Variants in UTP14A observed in about 807,000 individuals in gnomAD.
The protein encoded by UTP14A is U3 small nucleolar RNA-associated protein 14 homolog A.
In UTP14A, 5 loss-of-function variants were observed where a neutral mutation model predicts 57.2. The observed-to-expected ratio is 0.09, with a 90% CI of 0.05 to 0.18. UTP14A has a LOEUF of 0.18. UTP14A is among the 10% of genes least tolerant of loss of function. UTP14A has a pLI of 1.00. For synonymous variants in UTP14A, 169 were observed against 210.9 expected (o/e 0.80, Z 1.72); for missense variants, 430 against 562.1 (o/e 0.76, Z 2.38).
chrX:129,910,860 TAGAA>T, intron 4 of UTP14A, 144 bp from the exon 5 acceptor site: 2 of 746,040 alleles, frequency 2.7e-6, no homozygotes, highest in South Asian at 6.0e-5. Flanking sequence ...TTGGCATGGC[TAGAA>T]ATAGGCAATT....
Position 129,929,503 on chromosome X carries a change from G to A in UTP14A, c.2211G>A (p.Val737=). The change falls in exon 15 of 15, where the codon GTG becomes GTA. Residue 737 remains valine, a synonymous_variant. Transcript: ENST00000394422. ...HIINPIKAED[V]GYRSSSRSDL... is the part of the protein sequence containing the mutation. ...TTAACCCCATAAAAGCAGAAGACGTGGGCTACCGGTCTTCCTCAAGGTCGG... is the reference window on the plus strand; with the variant it reads ...TTAACCCCATAAAAGCAGAAGACGTAGGCTACCGGTCTTCCTCAAGGTCGG... 8.3e-7 allele frequency: 1 copy of A among 1,211,497 alleles called. No individual in the cohort carries two copies. The highest frequency in any genetic ancestry group is 1.1e-6 in the Non-Finnish European group (1 of 895,491).
chrX:129,913,565 T>C (rs1040774403), intron 6 of UTP14A, among the ~76,000 whole-genome samples: 7 of 112,053 alleles, frequency 6.2e-5, no homozygotes, highest in Non-Finnish European at 1.1e-4. Flanking sequence ...TCTATATTCA[T>C]GTTTACCTCC....
In UTP14A at chrX:129,921,383, A is replaced by G. The variant is rs1929905810; in HGVS notation, c.1144A>G (p.Ser382Gly). The G allele has an allele frequency of 8.3e-7, 1 of 1,212,080 alleles. No individual in the cohort carries two copies. The highest frequency in any genetic ancestry group is 2.2e-5 in the Admixed American group (1 of 46,019). ...TCCCTGGATGCTCAGGAGCTGCACCAGTGACACCAAAGAGGCTGCAACCCA... is the reference window on the plus strand; with the variant it reads ...TCCCTGGATGCTCAGGAGCTGCACCGGTGACACCAAAGAGGCTGCAACCCA... ...PNPWMLRSCT[S>G]DTKEAATQED... is the part of the protein sequence containing the mutation. Residue 382 changes from serine to glycine, a missense_variant, in exon 11 of 15, where the codon AGT (serine) becomes GGT (glycine). By Grantham distance (56) the Ser-to-Gly change is moderately conservative. Around this residue, in one of 4 missense-constraint regions of UTP14A, gnomAD observed 83 missense variants for 140.4 expected, o/e 0.59. Coordinates refer to ENST00000394422, the MANE Select transcript of UTP14A (RefSeq NM_006649.4).
intron 11 of UTP14A, among the ~76,000 whole-genome samples, chrX:129,924,371 C>CT (rs745326065): frequency 2.8e-5 from 3 of 105,635 alleles, no homozygotes; most frequent in African/African-American, 1.0e-4. Context: ...ACTGCAACCT[C>CT]TGCCTCCCTG....
chrX:129,921,873 C>T (rs1929930532), intron 11 of UTP14A: 3 of 273,736 alleles, frequency 1.1e-5, no homozygotes, highest in South Asian at 1.0e-4. Flanking sequence ...AAACCATACT[C>T]GAAGTCAGGG....
intron 11 of UTP14A, chrX:129,922,754 A>C (rs1270175126): frequency 2.8e-5 from 3 of 108,279 alleles, no homozygotes; most frequent in Non-Finnish European, 5.7e-5. Context: ...AGGTTTCCAC[A>C]TACAAAAATT....
chrX:129,907,232 T>C, intron 1 of UTP14A, 135 bp from the exon 2 acceptor site: 3 of 486,262 alleles, frequency 6.2e-6, no homozygotes, highest in Non-Finnish European at 9.9e-6. Flanking sequence ...GAGATTGTTT[T>C]AATAGATTAG....
intron 14 of UTP14A, among the ~76,000 whole-genome samples, chrX:129,926,732 G>A (rs1237378420): frequency 8.9e-6 from 1 of 111,899 alleles, no homozygotes; most frequent in Non-Finnish European, 1.9e-5. Context: ...GAAGGTTATT[G>A]TATGAAGTCA....
At chrX:129,919,766 C>G (rs777385827) in intron 8 of UTP14A, among the ~76,000 whole-genome samples, 5 of 112,229 alleles carry the variant, frequency 4.5e-5, no homozygotes, top group Admixed American at 9.5e-5. Context: ...ATAGGGCTTC[C>G]TTCCTGCCTT....
chrX:129,920,426 A>G, intron 8 of UTP14A, 31 bp from the exon 9 acceptor site: 3 of 1,211,633 alleles, frequency 2.5e-6, no homozygotes, highest in Non-Finnish European at 3.4e-6. Flanking sequence ...CTTCAGCTAA[A>G]TTGCTAAACT....
At chrX:129,906,649 G>GCCCCCCCCCCCCCCCCCCCC (rs750133698) in intron 1 of UTP14A, among the ~76,000 whole-genome samples, 2 of 100,458 alleles carry the variant, frequency 2.0e-5, no homozygotes, top group African/African-American at 3.7e-5. Context: ...GATGTTTTGT[G>GCCCCCCCCCCCCCCCCCCCC]CCCCCCCCAC....
chrX:129,923,613 G>A (rs1402536525), intron 11 of UTP14A, among the ~76,000 whole-genome samples: 1 of 111,594 alleles, frequency 9.0e-6, no homozygotes, highest in Non-Finnish European at 1.9e-5. Flanking sequence ...TATTTGCTCA[G>A]ATGTTGCCAG....
intron 3 of UTP14A, 45 bp downstream of exon 3, chrX:129,908,175 G>C (rs2124186864): frequency 9.4e-7 from 1 of 1,069,127 alleles, no homozygotes; most frequent in South Asian, 2.0e-5. Context: ...TCAATTCCGT[G>C]AGATTTCTCT....
At chrX:129,923,768 T>C (rs1457312726) in intron 11 of UTP14A, among the ~76,000 whole-genome samples, 1 of 111,042 alleles carries the variant, frequency 9.0e-6, no homozygotes, top group African/African-American at 3.3e-5. Flanking sequence ...TTACAAGCAG[T>C]GAAGCATAAA....
chrX:129,919,785 T>C (rs1929837458), intron 8 of UTP14A, among the ~76,000 whole-genome samples: 1 of 112,170 alleles, frequency 8.9e-6, no homozygotes, highest in African/African-American at 3.2e-5. Context: ...TTTTTGCCTC[T>C]TTGAAACTTG....
intron 2 of UTP14A, 65 bp from the exon 3 acceptor site, chrX:129,907,995 C>T: frequency 1.1e-6 from 1 of 929,645 alleles, no homozygotes; most frequent in East Asian, 3.1e-5. Context: ...TTACATGAGA[C>T]TCAATTTCCA....
At chrX:129,920,773 G>A (rs1417938399) in intron 10 of UTP14A, 21 bp downstream of exon 10, 2 of 1,209,848 alleles carry the variant, frequency 1.7e-6, no homozygotes, top group East Asian at 3.0e-5. Flanking sequence ...CTTGGGGTGA[G>A]AGAAGATCTG....
chrX:129,909,720 G>A (rs1172161769), intron 4 of UTP14A, among the ~76,000 whole-genome samples: 1 of 111,632 alleles, frequency 9.0e-6, no homozygotes, highest in Admixed American at 9.6e-5. Flanking sequence ...CAGAATACAT[G>A]CTCTAATAAG....
chrX:129,926,486 G>A (rs1930112591), intron 14 of UTP14A, 147 bp downstream of exon 14: 2 of 532,369 alleles, frequency 3.8e-6, no homozygotes, highest in East Asian at 7.1e-5. Context: ...ATGGCTGTTA[G>A]ATTTATCATT....
Sources: allele counts gnomAD v4.1 joint callset (sites outside exome capture counted in the v4.1 genomes callset), GRCh38; gene constraint gnomAD v4.1.1; regional missense constraint gnomAD v4.1.1; transcripts MANE v1.5; gene names NCBI Gene and HGNC (gene_info 2026-07-23, HGNC 2026-07-21).